Variants in RNLS observed in about 807,000 individuals in gnomAD.
RNLS encodes renalase.
In RNLS, 39 loss-of-function variants were observed where a neutral mutation model predicts 39.8. That is an observed-to-expected ratio of 0.98 (90% CI 0.76 to 1.28). The LOEUF (loss-of-function observed/expected upper bound fraction) is 1.28. Ranked by LOEUF, RNLS falls within the 50% of genes most tolerant of loss-of-function variation. RNLS has a pLI of 0.00. For synonymous variants in RNLS, 147 were observed against 150.7 expected (o/e 0.98, Z 0.18); for missense variants, 410 against 413.3 (o/e 0.99, Z 0.07).
chr10:88,274,880 G>A, exon 7 of RNLS: 1 of 1,003,880 alleles, frequency 1.0e-6, no homozygotes, highest in Non-Finnish European at 1.6e-6. Context: ...CTAAATAATA[G>A]CTATCCTAAA....
intron 6 of RNLS, among the ~76,000 whole-genome samples, chr10:88,298,972 CTTTTTAAATGTCTTTCAGCAATGTT>C (rs908719931): frequency 9.2e-5 from 14 of 151,992 alleles, no homozygotes; most frequent in Non-Finnish European, 1.5e-4. Context: ...TTATTTAGGT[CTTTTTAAATGTCTTTCAGCAATGTT>C]TTGTAGTTTT....
At chr10:88,288,034 T>C (rs1035775318) in intron 6 of RNLS, among the ~76,000 whole-genome samples, 3 of 152,180 alleles carry the variant, frequency 2.0e-5, no homozygotes, top group East Asian at 1.9e-4. Flanking sequence ...TGGCTCTTAA[T>C]AGGAGCTGAG....
At chr10:88,404,780 G>T (rs756570469) in intron 4 of RNLS, among the ~76,000 whole-genome samples, 5 of 151,976 alleles carry the variant, frequency 3.3e-5, no homozygotes, top group Non-Finnish European at 7.4e-5. Context: ...ATTCTACCTC[G>T]TTTATTCTTA....
intron 3 of RNLS, among the ~76,000 whole-genome samples, chr10:88,575,643 A>C (rs1850155267): frequency 6.6e-6 from 1 of 152,126 alleles, no homozygotes; most frequent in South Asian, 2.1e-4. Flanking sequence ...TTGTGAAAGT[A>C]ATTAATAACT....
At chr10:88,257,020 T>A in the RNLS span, among the ~76,000 whole-genome samples, 2 of 150,960 alleles carry the variant, frequency 1.3e-5, no homozygotes, top group Non-Finnish European at 2.9e-5. Context: ...TGTGGGAGAC[T>A]AGTGACCTTT....
the RNLS span, among the ~76,000 whole-genome samples, chr10:88,217,928 TA>T: frequency 3.3e-5 from 5 of 151,948 alleles, no homozygotes; most frequent in Admixed American, 1.3e-4. Flanking sequence ...TAATCCCAGC[TA>T]CTCAGCAGGC....
chr10:88,542,756 G>C (rs1848113045), intron 4 of RNLS, among the ~76,000 whole-genome samples: 1 of 152,138 alleles, frequency 6.6e-6, no homozygotes, highest in Non-Finnish European at 1.5e-5. Flanking sequence ...TACTGCTGAA[G>C]AAGCATATTT....
the RNLS span, among the ~76,000 whole-genome samples, chr10:88,244,675 G>A: frequency 6.6e-6 from 1 of 150,952 alleles, no homozygotes; most frequent in African/African-American, 2.4e-5. Flanking sequence ...TTTGCAGGAT[G>A]TTTAAGGTTT....
chr10:88,199,167 T>C, the RNLS span, among the ~76,000 whole-genome samples: 2 of 152,238 alleles, frequency 1.3e-5, no homozygotes, highest in East Asian at 3.9e-4. Flanking sequence ...TTCATGCCCT[T>C]ATGTCCCCAC....
chr10:88,235,788 CAGAG>C, the RNLS span, among the ~76,000 whole-genome samples: 1 of 151,594 alleles, frequency 6.6e-6, no homozygotes, highest in Non-Finnish European at 1.5e-5. Context: ...TATATATAGA[CAGAG>C]AGAGATAGAG....
rs1383873143 is a variant in RNLS at position 88,393,072 on chromosome 10, C to A, written c.527-30347G>T. On this transcript the variant is annotated intron_variant, in intron 4 of 6. Coordinates refer to ENST00000331772, the MANE Select transcript of RNLS (RefSeq NM_001031709.3). ...TAATAAGAGCTATTTATGACAAACC[C>A]ACAGCCAATATCATACTGAATGGGC... Among the ~76,000 whole-genome samples, 3 of 152,226 alleles carry A rather than the reference C, an allele frequency of 2.0e-5. No individual in the cohort carries two copies. In the East Asian group the frequency reaches 5.8e-4, roughly 29 times the overall value.
chr10:88,405,231 CA>C (rs1159628829), intron 4 of RNLS, among the ~76,000 whole-genome samples: 3 of 152,006 alleles, frequency 2.0e-5, no homozygotes, highest in African/African-American at 7.2e-5. Context: ...GGTGCAGATA[CA>C]ATTCTGGCAG....
At chr10:88,332,797 A>T (rs1847208332) in intron 5 of RNLS, among the ~76,000 whole-genome samples, 1 of 152,202 alleles carries the variant, frequency 6.6e-6, no homozygotes, top group African/African-American at 2.4e-5. Flanking sequence ...CAAGTAAAAA[A>T]GTGTGTGGTT....
intron 4 of RNLS, among the ~76,000 whole-genome samples, chr10:88,415,156 T>A (rs935055011): frequency 5.3e-5 from 8 of 152,212 alleles, no homozygotes; most frequent in African/African-American, 1.9e-4. Flanking sequence ...AGGGTAAACA[T>A]TCCTGAGCAT....
At chr10:88,185,235 C>T in the RNLS span, among the ~76,000 whole-genome samples, 1 of 152,032 alleles carries the variant, frequency 6.6e-6, no homozygotes, top group African/African-American at 2.4e-5. Flanking sequence ...ATTAATTCAT[C>T]CTTTGTCTTA....
chr10:88,260,583 G>C, the RNLS span, among the ~76,000 whole-genome samples: 1 of 152,202 alleles, frequency 6.6e-6, no homozygotes, highest in Non-Finnish European at 1.5e-5. Context: ...CCTAGTACTA[G>C]TCTGACTTCA....
At chr10:88,296,445 A>T (rs186769089) in intron 6 of RNLS, among the ~76,000 whole-genome samples, 13 of 152,204 alleles carry the variant, frequency 8.5e-5, no homozygotes, top group Admixed American at 2.0e-4. Context: ...CATGGCATTG[A>T]CATTTCTTTC....
intron 4 of RNLS, among the ~76,000 whole-genome samples, chr10:88,570,495 C>T (rs1159739544): frequency 6.6e-6 from 1 of 152,200 alleles, no homozygotes; most frequent in Non-Finnish European, 1.5e-5. Flanking sequence ...ATGCAGTAAA[C>T]ACTCATTGTT....
chr10:88,173,983 A>G, the RNLS span, among the ~76,000 whole-genome samples: 1 of 150,008 alleles, frequency 6.7e-6, no homozygotes, highest in African/African-American at 2.5e-5. Context: ...AGAGAAATTT[A>G]TTCCTTGGTA....
Sources: gnomAD v4.1 joint callset for allele counts (sites outside exome capture counted in the v4.1 genomes callset) on GRCh38, gnomAD v4.1.1 for gene constraint, MANE v1.5 for transcripts, NCBI Gene and HGNC (gene_info 2026-07-23, HGNC 2026-07-21) for gene names.